TSC22D1: variants seen among roughly 807,000 people sequenced by gnomAD.
TSC22D1 encodes the protein TSC22 domain family member 1, also known as TSC22 domain family protein 1.
In TSC22D1, 9 loss-of-function variants were observed where a neutral mutation model predicts 74.2. The ratio of observed to expected loss-of-function variants is 0.12; its 90% CI spans 0.07 to 0.21. The LOEUF (loss-of-function observed/expected upper bound fraction) is 0.21. TSC22D1 is among the 10% of genes least tolerant of loss of function. The pLI is 1.00. For missense variants in TSC22D1, 1,427 were observed against 1,304.7 expected, an observed-to-expected ratio of 1.09 and a Z score of -1.44; for synonymous variants, 586 against 492.5, an observed-to-expected ratio of 1.19 and a Z score of -2.51.
intron 1 of TSC22D1, among the ~76,000 whole-genome samples, chr13:44,452,204 T>G (rs1267678660): frequency 6.6e-6 from 1 of 152,056 alleles, no homozygotes; most frequent in African/African-American, 2.4e-5. Context: ...GTCATGGAAC[T>G]AAATAAAGTG....
intron 1 of TSC22D1, chr13:44,452,908 T>A (rs1453361695): frequency 6.6e-6 from 1 of 152,390 alleles, no homozygotes; most frequent in Non-Finnish European, 1.5e-5. Flanking sequence ...TTTTACAAGA[T>A]GAGAAGTTAC....
At chr13:44,564,795 A>G (rs1208361384) in intron 1 of TSC22D1, among the ~76,000 whole-genome samples, 3 of 152,190 alleles carry the variant, frequency 2.0e-5, no homozygotes, top group Non-Finnish European at 4.4e-5. Flanking sequence ...TCTGTGAGGA[A>G]GCTACTACAT....
At chr13:44,528,167 G>A (rs1880642991) in intron 1 of TSC22D1, among the ~76,000 whole-genome samples, 1 of 151,958 alleles carries the variant, frequency 6.6e-6, no homozygotes, top group South Asian at 2.1e-4. Flanking sequence ...GGACATAATT[G>A]AACTAAACAG....
intron 1 of TSC22D1, among the ~76,000 whole-genome samples, chr13:44,550,973 G>A (rs1251147520): frequency 6.6e-6 from 1 of 151,524 alleles, no homozygotes; most frequent in Non-Finnish European, 1.5e-5. Context: ...CGGGCATGGT[G>A]GCGCCCACCT....
In TSC22D1 at chr13:44,434,307, G is replaced by A. The variant is rs114157908; in HGVS notation, c.*319C>T. 158 of 1,373,104 alleles carry A rather than the reference G, an allele frequency of 1.2e-4. 1 individual carries two copies. The African/African-American group carries it at 2.2e-3, about 20-fold the overall frequency. The allele number at this position is 1,373,104 out of a possible 1,614,324, so 85.1% of individuals were successfully genotyped here. On this transcript the variant is annotated 3_prime_UTR_variant, in exon 3 of 3. Coordinates refer to ENST00000458659, the MANE Select transcript of TSC22D1 (RefSeq NM_183422.4). ...AGAACCCTTGGAAGTGAGGGGTAGG[G>A]AGCCGGAAGGGATGGAAAGGCACAC...
chr13:44,512,160 T>C lies in TSC22D1; in HGVS notation c.2912+61003A>G, dbSNP rs535314104. 5.9e-5 allele frequency among the ~76,000 whole-genome samples: 9 copies of C among 152,028 alleles called. No individual in the cohort carries two copies. The South Asian group carries it at 1.0e-3, about 18-fold the overall frequency. On this transcript the variant is annotated intron_variant, in intron 1 of 2. Transcript: ENST00000458659. Reference sequence around the variant, plus strand: ...TTGGATATTTATTTCTTTTTTTGTTTGTTTGTTTTCTTTTTTTGTTTGTTT... The same window carrying C: ...TTGGATATTTATTTCTTTTTTTGTTCGTTTGTTTTCTTTTTTTGTTTGTTT...
At chr13:44,484,037 A>G (rs750511496) in intron 1 of TSC22D1, among the ~76,000 whole-genome samples, 3 of 152,242 alleles carry the variant, frequency 2.0e-5, no homozygotes, top group Admixed American at 6.5e-5. Flanking sequence ...ACACATAGGT[A>G]TCTTATACAC....
chr13:44,441,173 C>T (rs1267344792), intron 1 of TSC22D1, among the ~76,000 whole-genome samples: 1 of 152,170 alleles, frequency 6.6e-6, no homozygotes, highest in South Asian at 2.1e-4. Context: ...AGGGGGACTG[C>T]TGCTGGACAA....
chr13:44,433,931 T>C lies in TSC22D1; in HGVS notation c.*695A>G. ...ATTTCAATCTGTACAACCTAAATAG[T>C]AGTTACAGTCCTCTATTGTACAAAA... On this transcript the variant is annotated 3_prime_UTR_variant, in exon 3 of 3. Transcript: ENST00000458659. 11 of 1,477,092 alleles carry C rather than the reference T, an allele frequency of 7.4e-6. No individual in the cohort carries two copies. Among genetic ancestry groups the C allele is most frequent in the Non-Finnish European group, 9.9e-6 (11 of 1,109,024 alleles). 91.5% of individuals were successfully genotyped at this position (1,477,092 alleles called of 1,614,324 possible). A position where few individuals can be genotyped will look rare whatever the true frequency, so the allele number is the denominator to read the frequency against.
intron 1 of TSC22D1, among the ~76,000 whole-genome samples, chr13:44,571,220 C>CTA (rs1334164979): frequency 2.6e-5 from 4 of 152,192 alleles, no homozygotes; most frequent in African/African-American, 9.6e-5. Flanking sequence ...TGTATTAGAG[C>CTA]TATATTTCCT....
chr13:44,496,818 G>A lies in TSC22D1; in HGVS notation c.2913-60723C>T, dbSNP rs187492537. Among the ~76,000 whole-genome samples, 29 of 152,198 alleles carry A rather than the reference G, an allele frequency of 1.9e-4. 1 individual carries two copies. The highest frequency in any genetic ancestry group is 1.6e-3 in the Admixed American group (24 of 15,284). ...AGTGTGAGGCTACTACTGCACTCCA[G>A]CCTGGACAACAAAGTGAGACTCTGT... is the stretch of plus-strand genomic sequence containing the variant. On this transcript the variant is annotated intron_variant, in intron 1 of 2. Coordinates refer to ENST00000458659, the MANE Select transcript of TSC22D1 (RefSeq NM_183422.4).
At position 44,436,818 on chromosome 13, in the gene TSC22D1, C is replaced by T. The variant is rs532743484; in HGVS notation, c.2913-723G>A. The T allele has an allele frequency of 2.3e-5, 32 of 1,369,174 alleles. No homozygotes were observed. The African/African-American group carries it at 2.5e-4, about 11-fold the overall frequency. The allele number at this position is 1,369,174 out of a possible 1,614,324, so 84.8% of individuals were successfully genotyped here. On this transcript the variant is annotated intron_variant, in intron 1 of 2. Transcript: ENST00000458659. The stretch of plus-strand genomic sequence containing the variant: ...TGCGGATCCCAGTGCCGTGAAGAGG[C>T]GCTTCCCAGATCCGCAGCCGGGCTC...
At chr13:44,450,218 A>C (rs1460607008) in intron 1 of TSC22D1, among the ~76,000 whole-genome samples, 1 of 152,244 alleles carries the variant, frequency 6.6e-6, no homozygotes, top group Non-Finnish European at 1.5e-5. Context: ...AGGGTCATGA[A>C]GCAGCATGCT....
chr13:44,478,915 A>G (rs1189673175), intron 1 of TSC22D1, among the ~76,000 whole-genome samples: 5 of 147,750 alleles, frequency 3.4e-5, no homozygotes, highest in African/African-American at 4.9e-5. Flanking sequence ...GTGTGTGTGT[A>G]TTTATGTATG....
intron 1 of TSC22D1, among the ~76,000 whole-genome samples, chr13:44,560,362 T>C (rs1353863162): frequency 5.3e-5 from 8 of 152,228 alleles, no homozygotes; most frequent in Non-Finnish European, 1.2e-4. Flanking sequence ...ATTAAATGTC[T>C]ACAAAATACC....
intron 1 of TSC22D1, among the ~76,000 whole-genome samples, chr13:44,519,133 G>C (rs1298829578): frequency 2.0e-5 from 3 of 152,104 alleles, no homozygotes; most frequent in Admixed American, 2.0e-4. Context: ...TATAGTTTAA[G>C]TTAGTTCAGC....
At chr13:44,451,617 A>T (rs916214219) in intron 1 of TSC22D1, 1 of 152,258 alleles carries the variant, frequency 6.6e-6, no homozygotes, top group African/African-American at 2.4e-5. Flanking sequence ...AGCACAATTA[A>T]TAGCAGTTAT....
chr13:44,512,704 C>G lies in TSC22D1; in HGVS notation c.2912+60459G>C, dbSNP rs560586690. ...ATGGAGTCTTGCTCTGTCACCAGTG[C>G]AGCGACGCGATCTCAACTCACTGCA... On this transcript the variant is annotated intron_variant, in intron 1 of 2. Transcript: ENST00000458659. Among the ~76,000 whole-genome samples, 10 of 152,254 alleles carry G rather than the reference C, an allele frequency of 6.6e-5. No homozygotes were observed. In the East Asian group the frequency reaches 1.9e-3, roughly 29 times the overall value.
intron 1 of TSC22D1, 56 bp from the exon 2 acceptor site, chr13:44,436,151 A>G: frequency 6.4e-7 from 1 of 1,563,262 alleles, no homozygotes; most frequent in Non-Finnish European, 8.7e-7. Flanking sequence ...TTAAGCTTCC[A>G]AGATAAAAAG....
Sources: gnomAD v4.1 joint callset for allele counts (sites outside exome capture counted in the v4.1 genomes callset) on GRCh38, gnomAD v4.1.1 for gene constraint, MANE v1.5 for transcripts, NCBI Gene and HGNC (gene_info 2026-07-23, HGNC 2026-07-21) for gene names.